Variants in PUS10 observed in about 807,000 individuals in gnomAD.
PUS10 encodes the protein tRNA pseudouridine synthase Pus10.
Under a neutral mutation model 75.0 loss-of-function variants are expected in PUS10, and 59 were observed. That is an observed-to-expected ratio of 0.79 (90% confidence interval 0.64 to 0.98). PUS10 has a LOEUF of 0.98. Ranked by LOEUF, PUS10 falls within the 50% of genes least tolerant of loss-of-function variation. PUS10 has a pLI of 0.00. For missense variants in PUS10, 650 were observed against 614.4 expected, an observed-to-expected ratio of 1.06 and a Z score of -0.61; for synonymous variants, 219 against 211.6, an observed-to-expected ratio of 1.03 and a Z score of -0.30.
intron 4 of PUS10, among the ~76,000 whole-genome samples, chr2:60,987,259 C>G (rs1677778268): frequency 6.6e-6 from 1 of 152,152 alleles, no homozygotes. Flanking sequence ...TAACCACACA[C>G]CCAGTGACAA....
intron 16 of PUS10, 149 bp downstream of exon 16, chr2:60,947,894 C>A: frequency 1.5e-6 from 1 of 671,802 alleles, no homozygotes; most frequent in Non-Finnish European, 2.4e-6. Context: ...AAACCACATC[C>A]AACAAAGAAA....
chr2:60,952,826 A>T (rs1044291030), intron 15 of PUS10, among the ~76,000 whole-genome samples, 171 bp downstream of exon 15: 3 of 152,212 alleles, frequency 2.0e-5, no homozygotes, highest in Admixed American at 6.5e-5. Flanking sequence ...AGGGGGTTAG[A>T]TGAACTGCCC....
intron 1 of PUS10, chr2:61,017,061 A>T (rs1680039775): frequency 6.6e-6 from 1 of 152,290 alleles, no homozygotes; most frequent in South Asian, 2.1e-4. Context: ...CTCCTTTGCT[A>T]ACAAAGCCGC....
intron 4 of PUS10, among the ~76,000 whole-genome samples, chr2:61,004,358 C>T (rs1679056617): frequency 1.3e-5 from 2 of 152,166 alleles, no homozygotes; most frequent in Admixed American, 1.3e-4. Flanking sequence ...AGCATGGTGG[C>T]TCACGCCTGT....
intron 7 of PUS10, 44 bp downstream of exon 7, chr2:60,965,379 A>C (rs765279655): frequency 6.9e-7 from 1 of 1,445,214 alleles, no homozygotes; most frequent in South Asian, 1.2e-5. Flanking sequence ...ACCAAACAGC[A>C]TTAACAATTT....
intron 4 of PUS10, among the ~76,000 whole-genome samples, chr2:61,005,831 A>T (rs1471705305): frequency 6.6e-6 from 1 of 152,172 alleles, no homozygotes; most frequent in Non-Finnish European, 1.5e-5. Flanking sequence ...GCTAATAAAC[A>T]TGCTCACCCA....
intron 4 of PUS10, among the ~76,000 whole-genome samples, chr2:60,978,454 G>A (rs1677180799): frequency 6.6e-6 from 1 of 151,308 alleles, no homozygotes; most frequent in South Asian, 2.1e-4. Context: ...GAATTCACAG[G>A]GTGAAAAACG....
chr2:61,003,142 T>C (rs1678959559), intron 4 of PUS10, among the ~76,000 whole-genome samples: 1 of 152,168 alleles, frequency 6.6e-6, no homozygotes, highest in South Asian at 2.1e-4. Flanking sequence ...AGCTTTTAAA[T>C]TAATGCTTTT....
At chr2:60,972,779 A>C (rs935115443) in intron 4 of PUS10, among the ~76,000 whole-genome samples, 1 of 152,260 alleles carries the variant, frequency 6.6e-6, no homozygotes, top group African/African-American at 2.4e-5. Flanking sequence ...TTCTAAACTA[A>C]CAGGACTTCC....
At chr2:61,009,530 A>T (rs1254847825) in intron 2 of PUS10, among the ~76,000 whole-genome samples, 2 of 152,222 alleles carry the variant, frequency 1.3e-5, no homozygotes, top group African/African-American at 4.8e-5. Context: ...AAAATTTACT[A>T]AGAAAGGTAC....
chr2:61,018,043 C>T lies in PUS10; in HGVS notation c.-51G>A. The stretch of plus-strand genomic sequence containing the variant: ...TTTAGTGTCTCACAGCTGTTTCTGA[C>T]CCGGCAGCTCTAATCAGCAACGTTT... On this transcript the variant is annotated 5_prime_UTR_variant, in exon 1 of 18. Transcript: ENST00000316752. 1 of 1,452,010 alleles carries T rather than the reference C, an allele frequency of 6.9e-7. No homozygotes were observed. The highest frequency in any genetic ancestry group is 9.2e-7 in the Non-Finnish European group (1 of 1,090,900). The allele number at this position is 1,452,010 out of a possible 1,614,324, so 89.9% of individuals were successfully genotyped here. A position where few individuals can be genotyped will look rare whatever the true frequency, so the allele number is the denominator to read the frequency against.
At chr2:60,947,497 T>A (rs1260132760) in intron 16 of PUS10, among the ~76,000 whole-genome samples, 1 of 152,162 alleles carries the variant, frequency 6.6e-6, no homozygotes, top group Non-Finnish European at 1.5e-5. Context: ...AAAGCTGACA[T>A]TGAACTGACT....
intron 11 of PUS10, among the ~76,000 whole-genome samples, chr2:60,959,896 TG>T (rs1253051137): frequency 1.3e-5 from 2 of 151,958 alleles, no homozygotes; most frequent in Non-Finnish European, 2.9e-5. Flanking sequence ...ATTAAATATA[TG>T]GCCAAGTGCA....
intron 15 of PUS10, 151 bp downstream of exon 15, chr2:60,952,846 G>A (rs1675428143): frequency 7.2e-6 from 4 of 557,068 alleles, no homozygotes; most frequent in Admixed American, 3.4e-5. Flanking sequence ...CAGTCCTTCA[G>A]CTAGTCAGTG....
intron 4 of PUS10, among the ~76,000 whole-genome samples, chr2:60,978,409 G>A (rs1276489239): frequency 1.5e-5 from 2 of 134,402 alleles, no homozygotes; most frequent in Middle Eastern, 3.9e-3. Flanking sequence ...GCAACAGAGT[G>A]AGACTCCATC....
At chr2:60,955,642 A>T (rs1208538875) in intron 11 of PUS10, among the ~76,000 whole-genome samples, 1 of 152,158 alleles carries the variant, frequency 6.6e-6, no homozygotes, top group Non-Finnish European at 1.5e-5. Context: ...GTACTATTTA[A>T]TCCTTATTAT....
chr2:61,018,092 C>T lies in PUS10; in HGVS notation c.-100G>A, dbSNP rs1382883504. 2.5e-5 allele frequency: 39 copies of T among 1,538,594 alleles called. No homozygotes were observed. Among genetic ancestry groups the T allele is most frequent in the Non-Finnish European group, 3.4e-5 (39 of 1,141,878 alleles). ...TTTTTTCGGGAGCTCCTGGGCGTCT[C>T]TCTGGGTCTCTGTGCTTGAAAGAAA... On this transcript the variant is annotated 5_prime_UTR_variant, in exon 1 of 18. Transcript: ENST00000316752.
intron 6 of PUS10, chr2:60,966,998 G>T (rs1226605997): frequency 6.5e-6 from 1 of 152,848 alleles, no homozygotes; most frequent in Non-Finnish European, 1.5e-5. Flanking sequence ...CTGGAAAAGG[G>T]AAATGTTCTG....
chr2:60,964,740 G>A (rs903723296), intron 8 of PUS10, among the ~76,000 whole-genome samples: 6 of 152,160 alleles, frequency 3.9e-5, no homozygotes, highest in African/African-American at 1.2e-4. Context: ...GTAATTTGAG[G>A]GATTAAAATC....
Sources: gnomAD v4.1 joint callset for allele counts (sites outside exome capture counted in the v4.1 genomes callset) on GRCh38, gnomAD v4.1.1 for gene constraint, MANE v1.5 for transcripts, NCBI Gene and HGNC (gene_info 2026-07-23, HGNC 2026-07-21) for gene names.